The following OLFM3 variants were observed in gnomAD, a reference collection of about 807,000 sequenced individuals.
The protein encoded by OLFM3 is noelin-3.
Under a neutral mutation model 48.6 loss-of-function variants are expected in OLFM3, and 20 were observed. That is an observed-to-expected ratio of 0.41 (90% CI 0.29 to 0.60). The LOEUF is 0.60. Among genes scored for constraint, OLFM3 ranks in the 20% least tolerant of loss-of-function variants. OLFM3 has a pLI of 0.28. For missense variants in OLFM3, 437 were observed against 544.3 expected (o/e 0.80, Z 1.96); for synonymous variants, 222 against 198.1 (o/e 1.12, Z -1.01).
intron 1 of OLFM3, among the ~76,000 whole-genome samples, chr1:101,913,885 A>T (rs548347697): frequency 5.9e-5 from 9 of 152,266 alleles, no homozygotes; most frequent in South Asian, 2.1e-4. Flanking sequence ...AATAAAAGGG[A>T]CTAGGGAAGA....
At chr1:101,952,469 T>C (rs975246695) in intron 1 of OLFM3, among the ~76,000 whole-genome samples, 10 of 152,096 alleles carry the variant, frequency 6.6e-5, no homozygotes, top group Non-Finnish European at 1.5e-4. Flanking sequence ...TAATGACTAA[T>C]AGAATCAATG....
chr1:101,952,521 A>G (rs894196245), intron 1 of OLFM3, among the ~76,000 whole-genome samples: 2 of 152,102 alleles, frequency 1.3e-5, no homozygotes, highest in Non-Finnish European at 2.9e-5. Context: ...ATGAAATAAG[A>G]AAAAGAGATG....
intron 1 of OLFM3, among the ~76,000 whole-genome samples, chr1:101,933,096 G>A (rs1659501963): frequency 1.3e-5 from 2 of 150,748 alleles, no homozygotes; most frequent in South Asian, 4.2e-4. Flanking sequence ...CAGCTACTTG[G>A]GAGGCTGAGG....
At chr1:101,912,144 C>A (rs1488754815) in intron 1 of OLFM3, among the ~76,000 whole-genome samples, 3 of 152,150 alleles carry the variant, frequency 2.0e-5, no homozygotes, top group Non-Finnish European at 4.4e-5. Flanking sequence ...AACCTGACAG[C>A]ACTTTTTCTT....
intron 1 of OLFM3, among the ~76,000 whole-genome samples, chr1:101,859,428 A>C (rs992854900): frequency 6.6e-6 from 1 of 152,118 alleles, no homozygotes; most frequent in African/African-American, 2.4e-5. Context: ...GGCTAGGCAC[A>C]TTACACAGGA....
At chr1:101,931,869 T>G (rs193187440) in intron 1 of OLFM3, among the ~76,000 whole-genome samples, 2 of 152,190 alleles carry the variant, frequency 1.3e-5, no homozygotes, top group Admixed American at 1.3e-4. Flanking sequence ...AAAATACTTA[T>G]GGCAATTTAT....
chr1:101,952,434 AT>A (rs1002113478), intron 1 of OLFM3, among the ~76,000 whole-genome samples: 2 of 152,098 alleles, frequency 1.3e-5, no homozygotes, highest in African/African-American at 4.8e-5. Context: ...CAACAGAAAC[AT>A]TTTTTGTGAG....
At chr1:101,916,586 C>T (rs1658934491) in intron 1 of OLFM3, among the ~76,000 whole-genome samples, 1 of 152,056 alleles carries the variant, frequency 6.6e-6, no homozygotes, top group Non-Finnish European at 1.5e-5. Context: ...ACAATTAGAG[C>T]AACTGTAGTT....
At chr1:101,898,240 G>A (rs1658270332) in intron 1 of OLFM3, among the ~76,000 whole-genome samples, 2 of 152,154 alleles carry the variant, frequency 1.3e-5, no homozygotes, top group Admixed American at 1.3e-4. Context: ...ATAATATTGA[G>A]TGGAATATCT....
intron 2 of OLFM3, among the ~76,000 whole-genome samples, chr1:101,835,088 T>G (rs1049244777): frequency 6.6e-6 from 1 of 152,178 alleles, no homozygotes; most frequent in Non-Finnish European, 1.5e-5. Context: ...AGATAAAGTA[T>G]GGTGTCTAAG....
intron 1 of OLFM3, among the ~76,000 whole-genome samples, chr1:101,845,454 T>C (rs1368971264): frequency 6.6e-6 from 1 of 152,194 alleles, no homozygotes; most frequent in African/African-American, 2.4e-5. Flanking sequence ...GGTGCAAAGT[T>C]TGAAATATAA....
rs540368300 is a variant in OLFM3 at position 101,958,138 on chromosome 1, C to T, written c.69+38610G>A. ...ACCCAATTTCCCTGAAACATTGAAACTTTTAAAGGCATAGCAGGAAAAAAG... is the reference window on the plus strand; with the variant it reads ...ACCCAATTTCCCTGAAACATTGAAATTTTTAAAGGCATAGCAGGAAAAAAG... On this transcript the variant is annotated intron_variant, in intron 1 of 5. Transcript: ENST00000370103. Among the ~76,000 whole-genome samples the T allele has an allele frequency of 3.3e-5, 5 of 152,146 alleles. No individual in the cohort carries two copies. In the South Asian group the frequency reaches 1.0e-3, roughly 32 times the overall value.
intron 1 of OLFM3, among the ~76,000 whole-genome samples, chr1:101,974,943 A>C (rs1570681632): frequency 6.6e-6 from 1 of 152,298 alleles, no homozygotes; most frequent in South Asian, 2.1e-4. Context: ...CTTTCATAAA[A>C]GAGATGTCAG....
rs1653624188 is a variant in OLFM3 at position 101,803,986 on chromosome 1, T to G, written c.*252A>C. ...TTGCAAAACTATGACTTTAGCCACTTAAACTCTTTTTTTTTTTAGTGCTTT... is the reference window on the plus strand; with the variant it reads ...TTGCAAAACTATGACTTTAGCCACTGAAACTCTTTTTTTTTTTAGTGCTTT... On this transcript the variant is annotated 3_prime_UTR_variant, in exon 6 of 6. Transcript: ENST00000370103. 3.6e-6 allele frequency: 1 copy of G among 279,756 alleles called. No individual in the cohort carries two copies. The highest frequency in any genetic ancestry group is 2.4e-5 in the African/African-American group (1 of 41,422). 17.3% of individuals were successfully genotyped at this position (279,756 alleles called of 1,614,324 possible).
intron 1 of OLFM3, among the ~76,000 whole-genome samples, chr1:101,981,489 C>T (rs963450171): frequency 3.3e-5 from 5 of 152,158 alleles, no homozygotes; most frequent in Non-Finnish European, 7.4e-5. Flanking sequence ...TTTCTCATTT[C>T]TTTTACAGCA....
At chr1:101,886,348 C>A (rs548678662) in intron 1 of OLFM3, among the ~76,000 whole-genome samples, 1 of 152,084 alleles carries the variant, frequency 6.6e-6, no homozygotes, top group Non-Finnish European at 1.5e-5. Context: ...AGAAGTGCAG[C>A]ACAACTTTTG....
At position 101,856,132 on chromosome 1, in the gene OLFM3, C is replaced by T. The variant is rs147988409; in HGVS notation, c.70-19107G>A. Among the ~76,000 whole-genome samples the T allele has an allele frequency of 1.2e-3, 180 of 152,046 alleles. 3 individuals carry two copies. The highest frequency in any genetic ancestry group is 4.1e-3 in the African/African-American group (168 of 41,440). ...GCAGCATAGTTACACTGTTTGTCAT[C>T]ATTGTCCTCTCATCAATATGTGTAG... On this transcript the variant is annotated intron_variant, in intron 1 of 5. Coordinates refer to ENST00000370103, the MANE Select transcript of OLFM3 (RefSeq NM_058170.4).
At chr1:101,943,548 T>C (rs539333648) in intron 1 of OLFM3, among the ~76,000 whole-genome samples, 1 of 152,232 alleles carries the variant, frequency 6.6e-6, no homozygotes, top group South Asian at 2.1e-4. Flanking sequence ...ACACAAGGAG[T>C]TACCCTGAAT....
intron 1 of OLFM3, among the ~76,000 whole-genome samples, chr1:101,862,930 T>C (rs1001461944): frequency 2.0e-5 from 3 of 152,152 alleles, no homozygotes; most frequent in African/African-American, 7.2e-5. Flanking sequence ...TGAAAATCTC[T>C]GATACATTGA....
Sources: gnomAD v4.1 joint callset for allele counts (sites outside exome capture counted in the v4.1 genomes callset) on GRCh38, gnomAD v4.1.1 for gene constraint, MANE v1.5 for transcripts, NCBI Gene and HGNC (gene_info 2026-07-23, HGNC 2026-07-21) for gene names.